Variants in SNTB1 observed in about 807,000 individuals in gnomAD.
SNTB1 encodes the protein syntrophin beta 1.
Under a neutral mutation model 48.9 loss-of-function variants are expected in SNTB1, and 36 were observed. The observed-to-expected ratio is 0.74, with a 90% CI of 0.56 to 0.97. The LOEUF (loss-of-function observed/expected upper bound fraction) is 0.97, where lower values mean the gene tolerates loss of function less well. SNTB1 is among the 50% of genes least tolerant of loss of function. The pLI is 0.00. For synonymous variants in SNTB1, 299 were observed against 294.6 expected, an observed-to-expected ratio of 1.01 and a Z score of -0.15; for missense variants, 786 against 703.4, an observed-to-expected ratio of 1.12 and a Z score of -1.33.
chr8:120,562,025 C>T (rs1462807666), intron 4 of SNTB1, among the ~76,000 whole-genome samples: 1 of 152,226 alleles, frequency 6.6e-6, no homozygotes, highest in African/African-American at 2.4e-5. Flanking sequence ...CCCATCCAAA[C>T]AGCCAACAAG....
At chr8:120,630,986 A>G (rs1469877148) in intron 3 of SNTB1, among the ~76,000 whole-genome samples, 1 of 152,148 alleles carries the variant, frequency 6.6e-6, no homozygotes, top group Non-Finnish European at 1.5e-5. Flanking sequence ...GACCTAATAC[A>G]TTATTTAAGT....
At chr8:120,658,458 A>G (rs1023204669) in intron 2 of SNTB1, among the ~76,000 whole-genome samples, 2 of 152,248 alleles carry the variant, frequency 1.3e-5, no homozygotes, top group African/African-American at 2.4e-5. Context: ...TCATGGGTTC[A>G]GTTCCAGACC....
chr8:120,644,140 C>T (rs1307251914), intron 2 of SNTB1, among the ~76,000 whole-genome samples: 1 of 149,364 alleles, frequency 6.7e-6, no homozygotes, highest in Non-Finnish European at 1.5e-5. Flanking sequence ...CTTGCAGATC[C>T]AAGTAAAGAG....
intron 6 of SNTB1, 140 bp downstream of exon 6, chr8:120,541,670 G>A (rs530701677): frequency 4.0e-5 from 21 of 524,732 alleles, no homozygotes; most frequent in African/African-American, 2.4e-4. Flanking sequence ...CCTAATCACC[G>A]TTTTTCAAGG....
chr8:120,563,003 G>A (rs902963095), intron 4 of SNTB1, among the ~76,000 whole-genome samples: 1 of 152,138 alleles, frequency 6.6e-6, no homozygotes, highest in Non-Finnish European at 1.5e-5. Context: ...GTAGAGAAGT[G>A]CACATTCTTC....
chr8:120,612,804 CGTG>C (rs1190472682), intron 3 of SNTB1, among the ~76,000 whole-genome samples: 1 of 152,062 alleles, frequency 6.6e-6, no homozygotes, highest in Non-Finnish European at 1.5e-5. Flanking sequence ...TTGTGGCACA[CGTG>C]GTATTTTGAT....
At chr8:120,750,587 G>A (rs1819196478) in intron 1 of SNTB1, among the ~76,000 whole-genome samples, 1 of 152,044 alleles carries the variant, frequency 6.6e-6, no homozygotes, top group Non-Finnish European at 1.5e-5. Context: ...TTTGTAAAGG[G>A]ACCTCTGACT....
chr8:120,707,259 C>T (rs955214319), intron 1 of SNTB1, among the ~76,000 whole-genome samples: 6 of 152,134 alleles, frequency 3.9e-5, no homozygotes, highest in East Asian at 3.8e-4. Flanking sequence ...TTTACCTCCT[C>T]CCCCAAACAT....
In SNTB1 at chr8:120,571,173, A is replaced by G. The variant is rs150718388; in HGVS notation, c.1136+3913T>C. The stretch of plus-strand genomic sequence containing the variant: ...AGAACAAGGCTATGTACGAGGGTAA[A>G]TTTTATTTTCATGTTGCCTGAGAGT... On this transcript the variant is annotated intron_variant, in intron 4 of 6. Coordinates refer to ENST00000517992, the MANE Select transcript of SNTB1 (RefSeq NM_021021.4). 714 of 1,222,734 alleles carry G rather than the reference A, an allele frequency of 5.8e-4. 6 individuals carry two copies. The African/African-American group carries it at 0.01, about 18-fold the overall frequency. The allele number at this position is 1,222,734 out of a possible 1,614,324, so 75.7% of individuals were successfully genotyped here.
At chr8:120,810,495 A>G (rs899191800) in intron 1 of SNTB1, among the ~76,000 whole-genome samples, 1 of 152,222 alleles carries the variant, frequency 6.6e-6, no homozygotes, top group Admixed American at 6.5e-5. Context: ...TTACAAATGC[A>G]AAGTTGTTTC....
chr8:120,550,190 G>A (rs1315187270), intron 4 of SNTB1, among the ~76,000 whole-genome samples: 1 of 152,162 alleles, frequency 6.6e-6, no homozygotes, highest in Non-Finnish European at 1.5e-5. Flanking sequence ...GGGGCGGTTT[G>A]CAATGCCAAC....
chr8:120,659,942 TA>T (rs1473762619), intron 2 of SNTB1, among the ~76,000 whole-genome samples: 1 of 152,148 alleles, frequency 6.6e-6, no homozygotes, highest in East Asian at 1.9e-4. Context: ...CAATAAGCAG[TA>T]ATATTTTGAA....
At chr8:120,592,472 GC>G (rs1221427066) in intron 3 of SNTB1, among the ~76,000 whole-genome samples, 16 of 152,054 alleles carry the variant, frequency 1.1e-4, no homozygotes, top group African/African-American at 3.9e-4. Flanking sequence ...GATCCACTGT[GC>G]CTGGCCAAGC....
chr8:120,583,479 T>C (rs1816081265), intron 3 of SNTB1, among the ~76,000 whole-genome samples: 1 of 149,224 alleles, frequency 6.7e-6, no homozygotes, highest in African/African-American at 2.5e-5. Context: ...GACACTTCAC[T>C]CCAGCCTGGG....
chr8:120,791,233 A>G (rs990167913), intron 1 of SNTB1, among the ~76,000 whole-genome samples: 7 of 151,884 alleles, frequency 4.6e-5, no homozygotes, highest in African/African-American at 1.4e-4. Context: ...TGATAGGAAA[A>G]TTGAATGGCC....
intron 3 of SNTB1, among the ~76,000 whole-genome samples, chr8:120,616,735 T>A (rs142570104): frequency 5.4e-4 from 83 of 152,326 alleles, no homozygotes; most frequent in Middle Eastern, 3.4e-3. Flanking sequence ...AAATTAAAGG[T>A]CAAACTAATC....
chr8:120,554,027 A>G (rs1169227193), intron 4 of SNTB1, among the ~76,000 whole-genome samples: 1 of 152,142 alleles, frequency 6.6e-6, no homozygotes, highest in Non-Finnish European at 1.5e-5. Context: ...TAAGAAACAT[A>G]TACATCAGGT....
intron 1 of SNTB1, among the ~76,000 whole-genome samples, chr8:120,747,572 T>C (rs995843105): frequency 6.6e-6 from 1 of 152,304 alleles, no homozygotes; most frequent in East Asian, 1.9e-4. Flanking sequence ...ATTACAGGCA[T>C]GAGCCATCAC....
chr8:120,759,901 C>A (rs1443506977), intron 1 of SNTB1, among the ~76,000 whole-genome samples: 1 of 152,110 alleles, frequency 6.6e-6, no homozygotes, highest in Non-Finnish European at 1.5e-5. Context: ...TCAACTCAAG[C>A]ACAGTGTCAA....
Sources: allele counts gnomAD v4.1 joint callset (sites outside exome capture counted in the v4.1 genomes callset), GRCh38; gene constraint gnomAD v4.1.1; transcripts MANE v1.5; gene names NCBI Gene and HGNC (gene_info 2026-07-23, HGNC 2026-07-21).